Variants in AGMO observed in about 807,000 individuals in gnomAD.
AGMO encodes the protein alkylglycerol monooxygenase, also known as glyceryl-ether monooxygenase.
A neutral mutation model predicts 60.2 loss-of-function variants in AGMO; 75 were observed. The observed-to-expected ratio is 1.25, with a 90% CI of 1.03 to 1.51. The LOEUF (loss-of-function observed/expected upper bound fraction) is 1.51. Among genes scored for constraint, AGMO ranks in the 40% most tolerant of loss-of-function variants. The probability of loss-of-function intolerance (pLI) is 0.00; values close to 1 mark genes in which losing one functional copy is unlikely to be tolerated. For missense variants in AGMO, 763 were observed against 525.5 expected (o/e 1.45, Z -4.42); for synonymous variants, 261 against 177.1 (o/e 1.47, Z -3.76).
intron 4 of AGMO, among the ~76,000 whole-genome samples, chr7:15,429,482 T>A (rs1435257615): frequency 2.0e-5 from 3 of 152,032 alleles, no homozygotes; most frequent in Non-Finnish European, 4.4e-5. Flanking sequence ...CCTTTCCTAG[T>A]GTCTTTATAG....
intron 3 of AGMO, among the ~76,000 whole-genome samples, chr7:15,448,384 G>A (rs1244136551): frequency 6.6e-6 from 1 of 152,240 alleles, no homozygotes; most frequent in African/African-American, 2.4e-5. Flanking sequence ...CAGGAAGTGG[G>A]CCCTTACTAG....
chr7:15,362,708 C>G (rs536480643), intron 12 of AGMO, among the ~76,000 whole-genome samples: 6 of 152,264 alleles, frequency 3.9e-5, no homozygotes, highest in African/African-American at 1.4e-4. Flanking sequence ...ATGAGGTCCT[C>G]TTTTCCTTGG....
At chr7:15,255,382 T>G (rs2128507805) in intron 12 of AGMO, among the ~76,000 whole-genome samples, 1 of 152,182 alleles carries the variant, frequency 6.6e-6, no homozygotes, top group Non-Finnish European at 1.5e-5. Flanking sequence ...TTAAAGAAAC[T>G]GATATTTTCG....
intron 3 of AGMO, among the ~76,000 whole-genome samples, chr7:15,494,269 G>T (rs1446665977): frequency 1.3e-5 from 2 of 152,148 alleles, no homozygotes; most frequent in Non-Finnish European, 2.9e-5. Flanking sequence ...AACATAAGTG[G>T]TTCAGGATAT....
chr7:15,493,365 C>CTTTTTTTTTTTTTTTTTTT (rs71004387), intron 3 of AGMO, among the ~76,000 whole-genome samples: 1 of 66,654 alleles, frequency 1.5e-5, no homozygotes, highest in Non-Finnish European at 2.7e-5. Context: ...ACACACACTT[C>CTTTTTTTTTTTTTTTTTTT]TTTTTTTTTT....
At chr7:15,175,713 G>T in the AGMO span, among the ~76,000 whole-genome samples, 2 of 151,818 alleles carry the variant, frequency 1.3e-5, no homozygotes, top group East Asian at 1.9e-4. Context: ...AGTAGTCCTT[G>T]TCATCCATTC....
rs957328282 is a variant in AGMO at position 15,339,630 on chromosome 7, T to A, written c.1263+25884A>T. Reference sequence around the variant, plus strand: ...TGTCAGGGCAGTCCCATTGAAGAAATTAAATGTATTAAAGTTATATAGACT... The same window carrying A: ...TGTCAGGGCAGTCCCATTGAAGAAAATAAATGTATTAAAGTTATATAGACT... On this transcript the variant is annotated intron_variant, in intron 12 of 12. Coordinates refer to ENST00000342526, the MANE Select transcript of AGMO (RefSeq NM_001004320.2). Among the ~76,000 whole-genome samples the A allele has an allele frequency of 9.2e-5, 14 of 152,144 alleles. 1 individual carries two copies. The highest frequency in any genetic ancestry group is 2.0e-4 in the Admixed American group (3 of 15,260).
intron 12 of AGMO, among the ~76,000 whole-genome samples, chr7:15,341,851 A>C (rs185009171): frequency 1.3e-5 from 2 of 152,210 alleles, no homozygotes; most frequent in Non-Finnish European, 2.9e-5. Flanking sequence ...GTGCAGGGGA[A>C]CTGACCTTTA....
chr7:15,362,356 A>C (rs1782799924), intron 12 of AGMO, among the ~76,000 whole-genome samples: 1 of 152,208 alleles, frequency 6.6e-6, no homozygotes, highest in African/African-American at 2.4e-5. Context: ...ATATTTATCC[A>C]GTCTTACGTT....
intron 3 of AGMO, among the ~76,000 whole-genome samples, chr7:15,431,432 C>A (rs187222909): frequency 2.0e-5 from 3 of 151,914 alleles, no homozygotes; most frequent in Admixed American, 1.3e-4. Context: ...ATTATAAAAG[C>A]TAGCTGGTAA....
chr7:15,196,195 C>T (rs1781111874), downstream of AGMO, among the ~76,000 whole-genome samples: 1 of 151,784 alleles, frequency 6.6e-6, no homozygotes, highest in South Asian at 2.1e-4. Context: ...GGCACCACCA[C>T]CACATCTGGA....
intron 3 of AGMO, among the ~76,000 whole-genome samples, chr7:15,543,536 A>G (rs531496862): frequency 6.6e-6 from 1 of 152,280 alleles, no homozygotes; most frequent in South Asian, 2.1e-4. Flanking sequence ...ATGTGGAAGT[A>G]CTGCCAACAA....
At chr7:15,311,629 G>A (rs916686577) in intron 12 of AGMO, among the ~76,000 whole-genome samples, 2 of 151,880 alleles carry the variant, frequency 1.3e-5, no homozygotes, top group Admixed American at 1.3e-4. Context: ...ATTCCCTCTG[G>A]AGGAAGTCAC....
chr7:15,455,874 A>G (rs754575810), intron 3 of AGMO, among the ~76,000 whole-genome samples: 1 of 152,102 alleles, frequency 6.6e-6, no homozygotes, highest in South Asian at 2.1e-4. Context: ...TTCACAATGA[A>G]GCATTTAAGT....
chr7:15,198,428 G>A (rs912853835), downstream of AGMO, among the ~76,000 whole-genome samples: 5 of 152,136 alleles, frequency 3.3e-5, no homozygotes, highest in African/African-American at 1.2e-4. Context: ...ATAAAGTGAA[G>A]AATAAAGTGC....
chr7:15,130,583 T>C, the AGMO span, among the ~76,000 whole-genome samples: 3 of 152,036 alleles, frequency 2.0e-5, no homozygotes, highest in African/African-American at 4.8e-5. Flanking sequence ...GCACAAGAAG[T>C]GGACAAGGAA....
chr7:15,365,419 G>A, intron 12 of AGMO, 95 bp downstream of exon 12: 2 of 438,286 alleles, frequency 4.6e-6, no homozygotes, highest in Admixed American at 4.1e-5. Flanking sequence ...CACATGTACT[G>A]GTCAGAAATG....
intron 12 of AGMO, among the ~76,000 whole-genome samples, chr7:15,243,498 T>G (rs964760709): frequency 6.6e-6 from 1 of 152,144 alleles, no homozygotes; most frequent in African/African-American, 2.4e-5. Context: ...TGTTGGCGTA[T>G]GACGGATAGC....
At chr7:15,155,766 G>A in the AGMO span, among the ~76,000 whole-genome samples, 3 of 152,214 alleles carry the variant, frequency 2.0e-5, no homozygotes, top group Non-Finnish European at 4.4e-5. Context: ...GTGGGCCGAT[G>A]TTCCTTTAAT....
Sources: allele counts gnomAD v4.1 joint callset (sites outside exome capture counted in the v4.1 genomes callset), GRCh38; gene constraint gnomAD v4.1.1; transcripts MANE v1.5; gene names NCBI Gene and HGNC (gene_info 2026-07-23, HGNC 2026-07-21).